SHANK2: variants seen among roughly 807,000 people sequenced by gnomAD.
SHANK2 encodes the protein SH3 and multiple ankyrin repeat domains 2, also known as SH3 and multiple ankyrin repeat domains protein 2.
SHANK2 carries 43 observed loss-of-function variants against 133.7 expected under a neutral mutation model. That is an observed-to-expected ratio of 0.32 (90% confidence interval 0.25 to 0.41). SHANK2 has a LOEUF of 0.41. Among genes scored for constraint, SHANK2 ranks in the 10% least tolerant of loss-of-function variants. The pLI, the probability that SHANK2 is intolerant of heterozygous loss-of-function variation, is 1.00. For missense variants in SHANK2, 1,994 were observed against 2,235.8 expected, an observed-to-expected ratio of 0.89 and a Z score of 2.18; for synonymous variants, 1,017 against 952.8, an observed-to-expected ratio of 1.07 and a Z score of -1.24.
chr11:70,637,772 C>T lies in SHANK2; in HGVS notation c.2061+22056G>A, dbSNP rs960758729. Among the ~76,000 whole-genome samples the T allele has an allele frequency of 1.6e-4, 24 of 152,352 alleles. 1 individual carries two copies. The highest frequency in any genetic ancestry group is 5.2e-4 in the Admixed American group (8 of 15,310). On this transcript the variant is annotated intron_variant, in intron 17 of 25. Coordinates refer to ENST00000601538, the MANE Select transcript of SHANK2 (RefSeq NM_012309.5). ...CAGACCTAGGTGTCAGACCCCTTTC[C>T]TTCCCGCACCCCACACTCTAGGCTG...
intron 17 of SHANK2, among the ~76,000 whole-genome samples, chr11:70,558,910 G>A (rs1411324484): frequency 6.6e-6 from 1 of 152,200 alleles, no homozygotes; most frequent in South Asian, 2.1e-4. Flanking sequence ...CCTGCAGCGC[G>A]TCTGCACACG....
At chr11:70,769,276 G>C (rs1440568019) in intron 14 of SHANK2, among the ~76,000 whole-genome samples, 1 of 152,178 alleles carries the variant, frequency 6.6e-6, no homozygotes, top group African/African-American at 2.4e-5. Flanking sequence ...TGCTTCACGC[G>C]GTGGCCCCAG....
intron 17 of SHANK2, among the ~76,000 whole-genome samples, chr11:70,619,775 C>T (rs568342872): frequency 2.6e-5 from 4 of 152,142 alleles, no homozygotes; most frequent in Non-Finnish European, 5.9e-5. Context: ...CTCCATGAGG[C>T]GTGCTAGTCA....
intron 2 of SHANK2, among the ~76,000 whole-genome samples, chr11:71,153,480 A>T (rs1952840827): frequency 6.6e-6 from 1 of 152,176 alleles, no homozygotes; most frequent in African/African-American, 2.4e-5. Context: ...AAAATCTTCA[A>T]CTGGCTCATT....
chr11:70,666,684 C>T (rs782722896), intron 15 of SHANK2, among the ~76,000 whole-genome samples: 53 of 152,102 alleles, frequency 3.5e-4, no homozygotes, highest in Non-Finnish European at 2.2e-4. Context: ...GGGAAATGAC[C>T]GAGGCGCCTA....
At chr11:71,121,179 C>T (rs1170052765) in intron 3 of SHANK2, among the ~76,000 whole-genome samples, 4 of 152,204 alleles carry the variant, frequency 2.6e-5, no homozygotes, top group Non-Finnish European at 5.9e-5. Context: ...CTAGGGAAAC[C>T]CACCCACCCA....
chr11:70,591,367 G>T (rs895671361), intron 17 of SHANK2, among the ~76,000 whole-genome samples: 1 of 147,844 alleles, frequency 6.8e-6, no homozygotes, highest in Non-Finnish European at 1.5e-5. Flanking sequence ...AAAAGAAAAA[G>T]AAAAAGAAAA....
intron 3 of SHANK2, among the ~76,000 whole-genome samples, chr11:71,134,558 G>A (rs1173307106): frequency 6.6e-6 from 1 of 151,088 alleles, no homozygotes; most frequent in Non-Finnish European, 1.5e-5. Context: ...TCCTGCCTCA[G>A]CCTCCTGAGT....
At chr11:70,656,637 A>G (rs2061409324) in intron 17 of SHANK2, among the ~76,000 whole-genome samples, 1 of 152,036 alleles carries the variant, frequency 6.6e-6, no homozygotes. Context: ...GGCAAATCGC[A>G]CCATCCATGG....
intron 14 of SHANK2, among the ~76,000 whole-genome samples, chr11:70,778,788 T>C (rs1376103403): frequency 2.6e-5 from 4 of 152,304 alleles, no homozygotes; most frequent in South Asian, 4.1e-4. Flanking sequence ...CTGACTAATA[T>C]AGACTCTTCC....
intron 11 of SHANK2, among the ~76,000 whole-genome samples, chr11:70,823,035 G>A (rs530384106): frequency 1.6e-5 from 2 of 127,876 alleles, no homozygotes; most frequent in African/African-American, 3.1e-5. Flanking sequence ...GACAGGTGGC[G>A]TTGGCAGAGC....
intron 17 of SHANK2, among the ~76,000 whole-genome samples, chr11:70,567,177 G>A (rs2059978570): frequency 6.6e-6 from 1 of 152,162 alleles, no homozygotes; most frequent in Admixed American, 6.5e-5. Flanking sequence ...AGCTGTGATT[G>A]GCTAAATTGT....
At chr11:70,596,491 G>T (rs1276366637) in intron 17 of SHANK2, among the ~76,000 whole-genome samples, 1 of 152,210 alleles carries the variant, frequency 6.6e-6, no homozygotes, top group Non-Finnish European at 1.5e-5. Context: ...GGGGCATCAG[G>T]GTCCTGGTCT....
At chr11:70,798,797 A>G (rs1415984609) in intron 13 of SHANK2, among the ~76,000 whole-genome samples, 1 of 152,330 alleles carries the variant, frequency 6.6e-6, no homozygotes, top group African/African-American at 2.4e-5. Flanking sequence ...ACAGGAATGA[A>G]GCACTGACAT....
chr11:70,636,598 T>C (rs1368266129), intron 17 of SHANK2, among the ~76,000 whole-genome samples: 1 of 151,626 alleles, frequency 6.6e-6, no homozygotes, highest in Non-Finnish European at 1.5e-5. Flanking sequence ...TGTGTGAGTG[T>C]ATGAGTGTGT....
At chr11:71,086,409 T>C (rs2135069944) in intron 8 of SHANK2, among the ~76,000 whole-genome samples, 1 of 131,734 alleles carries the variant, frequency 7.6e-6, no homozygotes, top group East Asian at 2.1e-4. Flanking sequence ...ATATTATTTA[T>C]AATATATAAT....
At chr11:70,937,138 C>T (rs1185085996) in intron 10 of SHANK2, among the ~76,000 whole-genome samples, 3 of 152,214 alleles carry the variant, frequency 2.0e-5, no homozygotes, top group Non-Finnish European at 2.9e-5. Context: ...AGCTAAGACG[C>T]TGTGCAGGGA....
In SHANK2 at chr11:70,492,300, C is replaced by T. The variant is rs371201467; in HGVS notation, c.2439+35G>A. The T allele has an allele frequency of 1.7e-4, 277 of 1,604,924 alleles. No individual in the cohort carries two copies. The African/African-American group carries it at 3.2e-3, about 18-fold the overall frequency. ...CACCCACTTCCTGGGCACCGTCGGC[C>T]CCCGCCCTCGTGGTCCCAAGGTACG... On this transcript the variant is annotated intron_variant, in intron 22 of 25. Transcript: ENST00000601538.
chr11:71,067,313 T>A (rs1951077754), intron 9 of SHANK2, among the ~76,000 whole-genome samples: 1 of 152,186 alleles, frequency 6.6e-6, no homozygotes, highest in African/African-American at 2.4e-5. Context: ...CAGACTGTTT[T>A]TTATTATTTT....
Sources: gnomAD v4.1 joint callset for allele counts (sites outside exome capture counted in the v4.1 genomes callset) on GRCh38, gnomAD v4.1.1 for gene constraint, MANE v1.5 for transcripts, NCBI Gene and HGNC (gene_info 2026-07-23, HGNC 2026-07-21) for gene names.